The following RUNX1 variants were observed in gnomAD, a reference collection of about 807,000 sequenced individuals.
RUNX1 encodes the protein RUNX family transcription factor 1.
Under a neutral mutation model 42.8 loss-of-function variants are expected in RUNX1, and 19 were observed. That is an observed-to-expected ratio of 0.44 (90% CI 0.31 to 0.65). The LOEUF is 0.65. Ranked by LOEUF, RUNX1 falls within the 30% of genes least tolerant of loss-of-function variation. The probability of loss-of-function intolerance (pLI) is 0.07; values close to 1 mark genes in which losing one functional copy is unlikely to be tolerated. For synonymous variants in RUNX1, 271 were observed against 289.4 expected, an observed-to-expected ratio of 0.94 and a Z score of 0.64; for missense variants, 528 against 672.0, an observed-to-expected ratio of 0.79 and a Z score of 2.37.
chr21:34,835,568 C>T (rs2057134373), intron 6 of RUNX1, among the ~76,000 whole-genome samples: 1 of 152,180 alleles, frequency 6.6e-6, no homozygotes, highest in African/African-American at 2.4e-5. Context: ...CTCAAAATGT[C>T]CTTAAACCAG....
chr21:34,840,119 T>C (rs978036781), intron 6 of RUNX1, among the ~76,000 whole-genome samples: 3 of 152,226 alleles, frequency 2.0e-5, no homozygotes, highest in South Asian at 2.1e-4. Flanking sequence ...ATCAGTCTGA[T>C]TGCTAAGGTG....
chr21:34,928,247 A>G (rs551551701), intron 2 of RUNX1, among the ~76,000 whole-genome samples: 54 of 152,272 alleles, frequency 3.5e-4, no homozygotes, highest in African/African-American at 1.3e-3. Flanking sequence ...ATCATTGTGG[A>G]AATTTCTGTT....
rs189770192 is a variant in RUNX1, at chr21:34,989,455, G to A, written c.58+59387C>T. ...TACCTAAGCTTGAAGTCAAAGGCAT[G>A]AGGCTGTGCTAGGAGGTGTGGGGGA... is the stretch of plus-strand genomic sequence containing the variant. On this transcript the variant is annotated intron_variant, in intron 2 of 8. Transcript: ENST00000675419. Among the ~76,000 whole-genome samples the A allele has an allele frequency of 2.9e-3, 440 of 152,170 alleles. 5 individuals are homozygous for A. Among genetic ancestry groups the A allele is most frequent in the Non-Finnish European group, 1.0e-3 (71 of 67,994 alleles).
At chr21:34,797,339 T>C (rs960113431) in intron 8 of RUNX1, among the ~76,000 whole-genome samples, 4 of 152,240 alleles carry the variant, frequency 2.6e-5, no homozygotes, top group Non-Finnish European at 4.4e-5. Context: ...CAAATGTAAC[T>C]GTGATATGGG....
At chr21:35,010,637 A>G (rs903713915) in intron 2 of RUNX1, among the ~76,000 whole-genome samples, 2 of 151,910 alleles carry the variant, frequency 1.3e-5, no homozygotes, top group Admixed American at 6.6e-5. Flanking sequence ...ACACACACAC[A>G]CACACACACA....
In RUNX1 at chr21:34,907,344, T is replaced by C. The variant is rs2058230071; in HGVS notation, c.59-14381A>G. ...CAATAGGTTGTGACCCATAGATTGGTTGTTAATAATAATAATAACAAAAGC... is the reference window on the plus strand; with the variant it reads ...CAATAGGTTGTGACCCATAGATTGGCTGTTAATAATAATAATAACAAAAGC... On this transcript the variant is annotated intron_variant, in intron 2 of 8. Coordinates refer to ENST00000675419, the MANE Select transcript of RUNX1 (RefSeq NM_001754.5). This position sits in a 1 kb window ranked among gnomAD's most constrained non-coding sequence, Gnocchi z 5.3. Among the ~76,000 whole-genome samples, 1 of 152,180 alleles carries C rather than the reference T, an allele frequency of 6.6e-6. No individual in the cohort carries two copies. The highest frequency in any genetic ancestry group is 1.5e-5 in the Non-Finnish European group (1 of 68,028).
At chr21:34,942,361 G>A (rs1023189507) in intron 2 of RUNX1, among the ~76,000 whole-genome samples, 3 of 151,656 alleles carry the variant, frequency 2.0e-5, no homozygotes, top group African/African-American at 7.3e-5. Flanking sequence ...GACTATACCT[G>A]GTAAGGCTAT....
At chr21:35,040,160 G>A (rs1308342539) in intron 2 of RUNX1, among the ~76,000 whole-genome samples, 3 of 152,140 alleles carry the variant, frequency 2.0e-5, no homozygotes, top group Non-Finnish European at 4.4e-5. Context: ...GACTGTTACC[G>A]AGCTGGATGA....
intron 2 of RUNX1, among the ~76,000 whole-genome samples, chr21:34,926,836 T>G (rs2058399194): frequency 7.6e-6 from 1 of 131,718 alleles, no homozygotes. Flanking sequence ...AAACAGACAT[T>G]CCCTAAAGAC....
intron 7 of RUNX1, among the ~76,000 whole-genome samples, chr21:34,830,693 ATTTTTAACCTCT>A (rs2057051226): frequency 6.6e-6 from 1 of 152,190 alleles, no homozygotes; most frequent in South Asian, 2.1e-4. Context: ...ATACTGGGCA[ATTTTTAACCTCT>A]GAATTTCGAT....
At chr21:34,889,762 C>T (rs1182775431) in intron 3 of RUNX1, 2 of 1,153,706 alleles carry the variant, frequency 1.7e-6, no homozygotes, top group African/African-American at 3.3e-5. Context: ...GAGGGCCCCG[C>T]CCCCGGTCCG....
chr21:34,919,927 C>T (rs950756317), intron 2 of RUNX1, among the ~76,000 whole-genome samples: 5 of 152,170 alleles, frequency 3.3e-5, no homozygotes, highest in African/African-American at 4.8e-5. Flanking sequence ...TCCTTCCTCA[C>T]GGTAATTGAG....
intron 2 of RUNX1, among the ~76,000 whole-genome samples, chr21:34,955,205 C>T (rs2058635817): frequency 6.6e-6 from 1 of 151,956 alleles, no homozygotes; most frequent in Admixed American, 6.6e-5. Flanking sequence ...CTACCGAATC[C>T]AGATCTTTGT....
intron 6 of RUNX1, among the ~76,000 whole-genome samples, chr21:34,848,070 A>C (rs1296395370): frequency 6.6e-6 from 1 of 152,214 alleles, no homozygotes; most frequent in Non-Finnish European, 1.5e-5. Flanking sequence ...ATAGCAGCTA[A>C]TATTTAAGGA....
intron 8 of RUNX1, among the ~76,000 whole-genome samples, chr21:34,796,524 A>G (rs1446013830): frequency 6.6e-6 from 1 of 152,132 alleles, no homozygotes; most frequent in East Asian, 1.9e-4. Flanking sequence ...ATTCACAGAG[A>G]GTTTTTAAGA....
chr21:34,964,216 C>T (rs1601614311), intron 2 of RUNX1, among the ~76,000 whole-genome samples: 1 of 152,104 alleles, frequency 6.6e-6, no homozygotes, highest in Non-Finnish European at 1.5e-5. Context: ...GGGACGGGCA[C>T]GGTGGCTCAC....
chr21:35,005,259 G>A (rs191621322), intron 2 of RUNX1, among the ~76,000 whole-genome samples: 3 of 152,130 alleles, frequency 2.0e-5, no homozygotes, highest in Admixed American at 2.0e-4. Context: ...ATTTTACTCA[G>A]TAAAGACCCC....
At chr21:34,874,629 A>AAAAAAAAAAAAAAC (rs2057788108) in intron 5 of RUNX1, among the ~76,000 whole-genome samples, 1 of 148,178 alleles carries the variant, frequency 6.7e-6, no homozygotes, top group African/African-American at 2.5e-5. Flanking sequence ...AAAAAAAAAA[A>AAAAAAAAAAAAAAC]AAAAAAGACA....
chr21:34,870,167 A>G (rs190406706), intron 5 of RUNX1, among the ~76,000 whole-genome samples: 1 of 152,358 alleles, frequency 6.6e-6, no homozygotes, highest in East Asian at 1.9e-4. Context: ...CCATTTAGAC[A>G]AACAAAAAAA....
Sources: allele counts gnomAD v4.1 joint callset (sites outside exome capture counted in the v4.1 genomes callset), GRCh38; gene constraint gnomAD v4.1.1; non-coding constraint Gnocchi (gnomAD v3.1); transcripts MANE v1.5; gene names NCBI Gene and HGNC (gene_info 2026-07-23, HGNC 2026-07-21).